The following PCDHGA10 variants were observed in gnomAD, a reference collection of about 807,000 sequenced individuals.
PCDHGA10 encodes the protein protocadherin gamma subfamily A, 10.
Under a neutral mutation model 59.5 loss-of-function variants are expected in PCDHGA10, and 42 were observed. That is an observed-to-expected ratio of 0.71 (90% CI 0.55 to 0.91). PCDHGA10 has a LOEUF of 0.91. PCDHGA10 is among the 40% of genes least tolerant of loss of function. The probability of loss-of-function intolerance (pLI) is 0.00; values close to 1 mark genes in which losing one functional copy is unlikely to be tolerated. For synonymous variants in PCDHGA10, 511 were observed against 517.2 expected, an observed-to-expected ratio of 0.99 and a Z score of 0.16; for missense variants, 1,111 against 1,198.2, an observed-to-expected ratio of 0.93 and a Z score of 1.07.
In PCDHGA10 at chr5:141,491,158, GA is replaced by G; in HGVS notation, c.2437-3648del. On this transcript the variant is annotated intron_variant, in intron 1 of 3. Transcript: ENST00000398610. This position sits in a 1 kb window ranked among gnomAD's most constrained non-coding sequence, Gnocchi z 6.9. ...CCGGGCCTTACTGGAGGATGACTCT[GA>G]CACCCAGCAGGTGGTGGTCCTGGTG... 6.2e-7 allele frequency: 1 copy of G among 1,614,130 alleles called. No homozygotes were observed. The highest frequency in any genetic ancestry group is 8.5e-7 in the Non-Finnish European group (1 of 1,179,972).
chr5:141,435,591 T>G (rs1197622032), intron 1 of PCDHGA10, among the ~76,000 whole-genome samples: 1 of 152,206 alleles, frequency 6.6e-6, no homozygotes, highest in Admixed American at 6.5e-5. Flanking sequence ...TGCAGTAATA[T>G]CGCCTGCTTT....
intron 1 of PCDHGA10, chr5:141,422,579 C>T: frequency 6.2e-7 from 1 of 1,614,052 alleles, no homozygotes; most frequent in Non-Finnish European, 8.5e-7. Flanking sequence ...GATAACCCTC[C>T]CGTTTTTCCT....
intron 1 of PCDHGA10, chr5:141,418,422 G>T: frequency 6.2e-7 from 1 of 1,613,996 alleles, no homozygotes; most frequent in Non-Finnish European, 8.5e-7. Context: ...AATCCTGATG[G>T]TGGCAAATAT....
chr5:141,469,853 G>A (rs549678022), intron 1 of PCDHGA10, among the ~76,000 whole-genome samples: 5 of 152,270 alleles, frequency 3.3e-5, no homozygotes, highest in South Asian at 2.1e-4. Context: ...GATTCAGACC[G>A]GGTGCAATGG....
chr5:141,418,498 C>T (rs181453589), intron 1 of PCDHGA10: 10 of 1,613,968 alleles, frequency 6.2e-6, no homozygotes, highest in East Asian at 2.2e-5. Context: ...TGGTACTGAC[C>T]GCCTTAGATG....
At chr5:141,415,655 T>C (rs780357843) in intron 1 of PCDHGA10, 44 bp downstream of exon 1, 50 of 1,586,718 alleles carry the variant, frequency 3.2e-5, no homozygotes, top group Non-Finnish European at 4.0e-5. Flanking sequence ...AAAAAAAAGA[T>C]TGGTTTTTAC....
chr5:141,492,948 CA>C (rs2099745260), intron 1 of PCDHGA10, among the ~76,000 whole-genome samples: 1 of 152,188 alleles, frequency 6.6e-6, no homozygotes, highest in Non-Finnish European at 1.5e-5. Flanking sequence ...TGGAGGTGAC[CA>C]AACTATCTGA....
At chr5:141,419,586 A>T (rs1440548961) in intron 1 of PCDHGA10, 1 of 1,611,696 alleles carries the variant, frequency 6.2e-7, no homozygotes, top group Non-Finnish European at 8.5e-7. Context: ...GCGCTCTTCG[A>T]CACAGTGCCG....
chr5:141,489,293 T>G lies in PCDHGA10; in HGVS notation c.2437-5514T>G. The G allele has an allele frequency of 6.3e-7, 1 of 1,579,940 alleles. No homozygotes were observed. Among genetic ancestry groups the G allele is most frequent in the Non-Finnish European group, 8.6e-7 (1 of 1,162,928 alleles). ...GCTGGGAAATGGCAAGTGCTGTGCA[T>G]GTTGTCCTTGTGCTGCTGGGGCTGG... On this transcript the variant is annotated intron_variant, in intron 1 of 3. Transcript: ENST00000398610. This position sits in a 1 kb window ranked among gnomAD's most constrained non-coding sequence, Gnocchi z 4.5.
intron 2 of PCDHGA10, among the ~76,000 whole-genome samples, chr5:141,502,723 G>C (rs771399677): frequency 3.9e-5 from 6 of 152,124 alleles, no homozygotes; most frequent in Non-Finnish European, 8.8e-5. Flanking sequence ...TGATTACAAA[G>C]CGGTGATGTT....
intron 2 of PCDHGA10, among the ~76,000 whole-genome samples, chr5:141,505,180 A>G (rs1435197883): frequency 6.6e-6 from 1 of 152,200 alleles, no homozygotes; most frequent in Non-Finnish European, 1.5e-5. Context: ...AGAAAAAAGC[A>G]TCGGAGGCAG....
chr5:141,450,758 A>G (rs1007910264), intron 1 of PCDHGA10, among the ~76,000 whole-genome samples: 2 of 151,784 alleles, frequency 1.3e-5, no homozygotes, highest in African/African-American at 4.8e-5. Flanking sequence ...AAGTGCCGGG[A>G]TTACAGGCAT....
intron 1 of PCDHGA10, chr5:141,426,709 A>G (rs1259104705): frequency 6.8e-6 from 3 of 443,800 alleles, no homozygotes; most frequent in South Asian, 3.1e-5. Flanking sequence ...TTACAAATCA[A>G]TGAACTAGCA....
intron 1 of PCDHGA10, among the ~76,000 whole-genome samples, chr5:141,438,370 A>G (rs2097956460): frequency 1.3e-5 from 2 of 152,004 alleles, no homozygotes; most frequent in South Asian, 4.2e-4. Context: ...CATTGAGGGC[A>G]GATATAATTT....
chr5:141,451,523 A>G (rs1035983001), intron 1 of PCDHGA10, among the ~76,000 whole-genome samples: 1 of 152,200 alleles, frequency 6.6e-6, no homozygotes, highest in African/African-American at 2.4e-5. Flanking sequence ...AGAGCAAGTA[A>G]AGGAGAGTGC....
chr5:141,499,721 G>GTC (rs1434016871), intron 2 of PCDHGA10, among the ~76,000 whole-genome samples: 69 of 135,416 alleles, frequency 5.1e-4, no homozygotes, highest in African/African-American at 1.9e-3. Flanking sequence ...TGGAGACAGA[G>GTC]TCTCACTCTC....
intron 2 of PCDHGA10, among the ~76,000 whole-genome samples, chr5:141,501,751 C>G (rs188896150): frequency 1.4e-3 from 218 of 152,250 alleles, no homozygotes; most frequent in South Asian, 3.1e-3. Flanking sequence ...ATAGGAAGCT[C>G]TCAGTAAATG....
chr5:141,472,980 C>CAAAAAAAAAAAAAAAAAGAAAAAAAAA (rs2099309731), intron 1 of PCDHGA10, among the ~76,000 whole-genome samples: 1 of 86,106 alleles, frequency 1.2e-5, no homozygotes, highest in Non-Finnish European at 2.5e-5. Flanking sequence ...GAGTGAAACT[C>CAAAAAAAAAAAAAAAAAGAAAAAAAAA]AAAAAAAAAA....
At position 141,413,701 on chromosome 5, in the gene PCDHGA10, C is replaced by T. The variant is rs764950275; in HGVS notation, c.526C>T (p.Leu176Phe). 1.1e-4 allele frequency: 177 copies of T among 1,613,654 alleles called. No individual in the cohort carries two copies. The Admixed American group carries it at 2.9e-3, about 27-fold the overall frequency. The change falls in exon 1 of 4, where the codon CTC becomes TTC. Residue 176 changes from leucine to phenylalanine, a missense_variant. Coordinates refer to ENST00000398610, the MANE Select transcript of PCDHGA10 (RefSeq NM_018913.3). The part of the protein sequence containing the change: ...VGVNSLQSYQ[L>F]SPNKHFSLRV... ...CGTGAACTCCCTGCAGAGCTATCAG[C>T]TCAGCCCCAATAAGCACTTCTCCCT...
Sources: gnomAD v4.1 joint callset for allele counts (sites outside exome capture counted in the v4.1 genomes callset) on GRCh38, gnomAD v4.1.1 for gene constraint, Gnocchi (gnomAD v3.1) non-coding constraint, MANE v1.5 for transcripts, NCBI Gene and HGNC (gene_info 2026-07-23, HGNC 2026-07-21) for gene names.